Variants in TNIK observed in about 807,000 individuals in gnomAD.
The protein encoded by TNIK is TRAF2 and NCK interacting kinase, also known as TRAF2 and NCK-interacting protein kinase.
Under a neutral mutation model 191.3 loss-of-function variants are expected in TNIK, and 49 were observed. The ratio of observed to expected loss-of-function variants is 0.26; its 90% CI spans 0.20 to 0.32. The LOEUF is 0.32. Among genes scored for constraint, TNIK ranks in the 10% least tolerant of loss-of-function variants. The probability of loss-of-function intolerance (pLI) is 1.00; values close to 1 mark genes in which losing one functional copy is unlikely to be tolerated. For missense variants in TNIK, 1,155 were observed against 1,702.3 expected, an observed-to-expected ratio of 0.68 and a Z score of 5.66; for synonymous variants, 594 against 600.9, an observed-to-expected ratio of 0.99 and a Z score of 0.17.
intron 18 of TNIK, among the ~76,000 whole-genome samples, chr3:171,117,547 A>G (rs1194813386): frequency 8.0e-6 from 1 of 125,144 alleles, no homozygotes; most frequent in Admixed American, 8.0e-5. Flanking sequence ...TGTTCATTAA[A>G]TACAGAAATA....
chr3:171,425,482 C>T (rs1157292603), intron 1 of TNIK, among the ~76,000 whole-genome samples: 2 of 152,080 alleles, frequency 1.3e-5, no homozygotes, highest in African/African-American at 4.8e-5. Flanking sequence ...ATTTTTTCCT[C>T]CACATTTTAA....
chr3:171,073,330 A>G (rs1719447563), intron 28 of TNIK, among the ~76,000 whole-genome samples: 1 of 152,156 alleles, frequency 6.6e-6, no homozygotes, highest in Non-Finnish European at 1.5e-5. Flanking sequence ...GGCTAGCCAT[A>G]TGCAGAAGAA....
chr3:171,272,530 ATTTCT>A (rs1223677174), intron 2 of TNIK, among the ~76,000 whole-genome samples: 9 of 151,822 alleles, frequency 5.9e-5, no homozygotes, highest in South Asian at 4.2e-4. Context: ...TGTTTTTCTC[ATTTCT>A]TTTGTTTTTT....
chr3:171,293,310 A>G (rs1323466293), intron 2 of TNIK, among the ~76,000 whole-genome samples: 1 of 152,184 alleles, frequency 6.6e-6, no homozygotes. Context: ...CAAGATTCAC[A>G]ATGTATCTTC....
chr3:171,101,419 C>T (rs556667921), intron 22 of TNIK, 30 bp downstream of exon 22: 127 of 1,561,284 alleles, frequency 8.1e-5, no homozygotes, highest in South Asian at 2.6e-4. Context: ...AGTCCCCTCC[C>T]GGTCTACACT....
At chr3:171,411,823 A>T (rs1253691440) in intron 1 of TNIK, among the ~76,000 whole-genome samples, 2 of 152,210 alleles carry the variant, frequency 1.3e-5, no homozygotes, top group Non-Finnish European at 2.9e-5. Context: ...ACCGAAGCTG[A>T]TCCCCGCCAG....
rs1214345628 is a variant in TNIK, at chr3:171,082,354, A to G, written c.3210T>C (p.Leu1070=). 5 of 1,613,876 alleles carry G rather than the reference A, an allele frequency of 3.1e-6. No homozygotes were observed. Among genetic ancestry groups the G allele is most frequent in the Non-Finnish European group, 4.2e-6 (5 of 1,179,814 alleles). ...LLVGTENGLM[L]LDRSGQGKVY... ...CTTTGCCTTGCCCACTTCGGTCCAA[A>G]AGCATCAGGCCATTTTCAGTCCCCA... Residue 1070 remains leucine, a synonymous_variant, in exon 27 of 33, where the codon CTT becomes CTC. Coordinates refer to ENST00000436636, the MANE Select transcript of TNIK (RefSeq NM_015028.4).
intron 3 of TNIK, among the ~76,000 whole-genome samples, chr3:171,212,989 G>A (rs1741022372): frequency 6.6e-6 from 1 of 152,090 alleles, no homozygotes; most frequent in Non-Finnish European, 1.5e-5. Context: ...ATATATGCTT[G>A]GGATGCTGAG....
chr3:171,083,779 G>A (rs2108373092), intron 26 of TNIK, among the ~76,000 whole-genome samples: 1 of 152,244 alleles, frequency 6.6e-6, no homozygotes, highest in Middle Eastern at 3.4e-3. Context: ...ATGGATCATG[G>A]AGAATGAACG....
At chr3:171,109,789 AAAT>A (rs1187173215) in intron 19 of TNIK, among the ~76,000 whole-genome samples, 57 of 152,336 alleles carry the variant, frequency 3.7e-4, no homozygotes, top group African/African-American at 1.3e-3. Flanking sequence ...CAGCACCTGG[AAAT>A]AATAATGTTT....
intron 2 of TNIK, among the ~76,000 whole-genome samples, chr3:171,300,078 C>T (rs1298985022): frequency 6.6e-6 from 1 of 152,224 alleles, no homozygotes; most frequent in African/African-American, 2.4e-5. Context: ...AAAGAAGTCT[C>T]ACAAAGATAA....
intron 2 of TNIK, among the ~76,000 whole-genome samples, chr3:171,238,409 G>GT (rs966740985): frequency 7.3e-5 from 11 of 150,812 alleles, no homozygotes; most frequent in East Asian, 3.9e-4. Context: ...TTAAAAACTA[G>GT]TTTTTTTTTA....
At chr3:171,174,035 A>C (rs141588950) in intron 9 of TNIK, among the ~76,000 whole-genome samples, 2 of 152,238 alleles carry the variant, frequency 1.3e-5, no homozygotes, top group Non-Finnish European at 2.9e-5. Context: ...TCTGCAGAGG[A>C]AGGAGGAGCA....
chr3:171,380,029 G>GCACACA (rs35890103), intron 1 of TNIK, among the ~76,000 whole-genome samples: 13 of 117,114 alleles, frequency 1.1e-4, no homozygotes, highest in African/African-American at 1.6e-4. Context: ...ACACACACGC[G>GCACACA]CACACACACA....
intron 2 of TNIK, among the ~76,000 whole-genome samples, chr3:171,343,239 A>G (rs1176534548): frequency 6.6e-6 from 1 of 152,200 alleles, no homozygotes; most frequent in Non-Finnish European, 1.5e-5. Flanking sequence ...CCTGACAGTC[A>G]CTGCTGCATC....
chr3:171,320,168 G>A (rs565383062), intron 2 of TNIK, among the ~76,000 whole-genome samples: 1 of 152,122 alleles, frequency 6.6e-6, no homozygotes, highest in Admixed American at 6.6e-5. Context: ...ACCCTTCCAC[G>A]TTGGCCTATT....
intron 2 of TNIK, among the ~76,000 whole-genome samples, chr3:171,242,851 T>C (rs1278477677): frequency 2.6e-5 from 4 of 152,206 alleles, no homozygotes; most frequent in African/African-American, 9.7e-5. Flanking sequence ...CTTTAAAAGA[T>C]TGAATTATAC....
At chr3:171,259,666 A>C (rs1367965368) in intron 2 of TNIK, among the ~76,000 whole-genome samples, 1 of 152,222 alleles carries the variant, frequency 6.6e-6, no homozygotes, top group Non-Finnish European at 1.5e-5. Flanking sequence ...GTAAAGAATT[A>C]ATAGAAATTA....
At chr3:171,457,596 T>G (rs564626332) in intron 1 of TNIK, among the ~76,000 whole-genome samples, 1 of 152,320 alleles carries the variant, frequency 6.6e-6, no homozygotes, top group South Asian at 2.1e-4. Context: ...AAGGTGGAGA[T>G]GATCTGCCCT....
Sources: gnomAD v4.1 joint callset for allele counts (sites outside exome capture counted in the v4.1 genomes callset) on GRCh38, gnomAD v4.1.1 for gene constraint, MANE v1.5 for transcripts, NCBI Gene and HGNC (gene_info 2026-07-23, HGNC 2026-07-21) for gene names.